The following RALGAPA1 variants were observed in gnomAD, a reference collection of about 807,000 sequenced individuals.
RALGAPA1 encodes the protein ral GTPase-activating protein subunit alpha-1.
RALGAPA1 carries 52 observed loss-of-function variants against 269.6 expected under a neutral mutation model. The ratio of observed to expected loss-of-function variants is 0.19; its 90% CI spans 0.15 to 0.24. The LOEUF (loss-of-function observed/expected upper bound fraction) is 0.24, where lower values mean the gene tolerates loss of function less well. RALGAPA1 is among the 10% of genes least tolerant of loss of function. The probability of loss-of-function intolerance (pLI) is 1.00; values close to 1 mark genes in which losing one functional copy is unlikely to be tolerated. For missense variants in RALGAPA1, 1,917 were observed against 3,013.9 expected, an observed-to-expected ratio of 0.64 and a Z score of 8.52; for synonymous variants, 817 against 1,008.3, an observed-to-expected ratio of 0.81 and a Z score of 3.60.
chr14:35,780,177 A>G (rs948237376), intron 1 of RALGAPA1, among the ~76,000 whole-genome samples: 1 of 152,240 alleles, frequency 6.6e-6, no homozygotes, highest in African/African-American at 2.4e-5. Context: ...TTAAGAAGAT[A>G]TAACAATTGT....
chr14:35,624,606 A>G (rs903186046), intron 35 of RALGAPA1, among the ~76,000 whole-genome samples: 41 of 152,210 alleles, frequency 2.7e-4, no homozygotes, highest in Admixed American at 5.2e-4. Flanking sequence ...AAAAAAAAAA[A>G]GGCTTTTCTC....
intron 41 of RALGAPA1, chr14:35,542,122 A>G (rs1490255326): frequency 6.2e-6 from 4 of 642,660 alleles, no homozygotes; most frequent in Non-Finnish European, 9.4e-6. Context: ...TGTTCACTGT[A>G]CTGTTGGCAT....
At chr14:35,560,385 A>G (rs2056095182) in intron 39 of RALGAPA1, among the ~76,000 whole-genome samples, 1 of 152,134 alleles carries the variant, frequency 6.6e-6, no homozygotes, top group South Asian at 2.1e-4. Flanking sequence ...CTCCATGTCC[A>G]CTTCTTACCC....
intron 31 of RALGAPA1, among the ~76,000 whole-genome samples, chr14:35,638,144 G>C (rs1245820345): frequency 6.6e-6 from 1 of 152,134 alleles, no homozygotes; most frequent in African/African-American, 2.4e-5. Context: ...ACTCACTGGT[G>C]ATAGTAAGTA....
At chr14:35,636,345 C>T (rs943704421) in intron 31 of RALGAPA1, among the ~76,000 whole-genome samples, 11 of 152,130 alleles carry the variant, frequency 7.2e-5, no homozygotes, top group African/African-American at 2.7e-4. Context: ...CAACAAGAGA[C>T]TTGCTAATCT....
intron 11 of RALGAPA1, among the ~76,000 whole-genome samples, chr14:35,740,700 T>C (rs1024242680): frequency 4.6e-5 from 7 of 152,068 alleles, no homozygotes; most frequent in Non-Finnish European, 1.0e-4. Flanking sequence ...CCCAGCTACT[T>C]GGGTGGCTGA....
chr14:35,551,091 C>T (rs2054958716), intron 39 of RALGAPA1, among the ~76,000 whole-genome samples: 1 of 152,138 alleles, frequency 6.6e-6, no homozygotes, highest in South Asian at 2.1e-4. Context: ...CTTTGATTCA[C>T]AGCAGTGCCC....
In RALGAPA1 at chr14:35,762,786, T is replaced by A. The variant is rs774095670; in HGVS notation, c.326-33A>T. On this transcript the variant is annotated intron_variant, in intron 4 of 41. Transcript: ENST00000680220. ...GAAAATATGATTTTAAATATTCACA[T>A]CTTATCTATTTGTAAATGTCAGAGT... is the stretch of plus-strand genomic sequence containing the variant. 4 of 1,245,902 alleles carry A rather than the reference T, an allele frequency of 3.2e-6. No homozygotes were observed. The African/African-American group carries it at 4.4e-5, about 14-fold the overall frequency. The allele number at this position is 1,245,902 out of a possible 1,614,324, so 77.2% of individuals were successfully genotyped here. A position where few individuals can be genotyped will look rare whatever the true frequency, so the allele number is the denominator to read the frequency against.
At chr14:35,702,390 A>G (rs139763613) in intron 16 of RALGAPA1, among the ~76,000 whole-genome samples, 169 of 152,350 alleles carry the variant, frequency 1.1e-3, no homozygotes, top group Non-Finnish European at 2.1e-3. Flanking sequence ...AAAATATAGA[A>G]GCATGGAATA....
At chr14:35,605,804 A>C in intron 35 of RALGAPA1, 95 bp from the exon 36 acceptor site, 2 of 1,368,818 alleles carry the variant, frequency 1.5e-6, no homozygotes, top group Non-Finnish European at 2.0e-6. Context: ...TGTAGCAATA[A>C]AAAGATGAAA....
At chr14:35,630,895 T>C (rs2061319717) in intron 33 of RALGAPA1, among the ~76,000 whole-genome samples, 1 of 151,924 alleles carries the variant, frequency 6.6e-6, no homozygotes, top group East Asian at 1.9e-4. Context: ...AGAAAATAAA[T>C]AAATAAAAGT....
chr14:35,614,189 CAG>C (rs1463525647), intron 35 of RALGAPA1, among the ~76,000 whole-genome samples: 2 of 152,124 alleles, frequency 1.3e-5, no homozygotes, highest in Admixed American at 6.5e-5. Context: ...AATGGTGAAA[CAG>C]AGAGTTATCA....
chr14:35,562,581 G>T (rs1038520459), intron 39 of RALGAPA1, among the ~76,000 whole-genome samples: 3 of 152,080 alleles, frequency 2.0e-5, no homozygotes, highest in African/African-American at 7.2e-5. Context: ...TGCTAGCCTG[G>T]CTTATTGATG....
At chr14:35,761,047 G>T in intron 5 of RALGAPA1, 41 bp from the exon 6 acceptor site, 1 of 1,427,024 alleles carries the variant, frequency 7.0e-7, no homozygotes, top group Non-Finnish European at 9.5e-7. Flanking sequence ...TATTTATAAT[G>T]GAAATATTTT....
At chr14:35,557,786 A>T (rs2139236609) in intron 39 of RALGAPA1, among the ~76,000 whole-genome samples, 1 of 152,310 alleles carries the variant, frequency 6.6e-6, no homozygotes, top group African/African-American at 2.4e-5. Flanking sequence ...CCCCAAATCT[A>T]GCAAGAGCAT....
intron 26 of RALGAPA1, among the ~76,000 whole-genome samples, chr14:35,669,200 A>T (rs1041759561): frequency 6.6e-6 from 1 of 152,236 alleles, no homozygotes; most frequent in Non-Finnish European, 1.5e-5. Flanking sequence ...CGTGTCACAT[A>T]GTGTTCCAAC....
At chr14:35,624,289 T>C (rs72642579) in intron 35 of RALGAPA1, among the ~76,000 whole-genome samples, 19,841 of 149,926 alleles carry the variant, frequency 0.13, 2,229 homozygotes, top group East Asian at 0.31. Flanking sequence ...ACCAAATAAT[T>C]ATTTTTAAGA....
intron 27 of RALGAPA1, among the ~76,000 whole-genome samples, chr14:35,663,190 C>T (rs1427743777): frequency 6.6e-6 from 1 of 151,958 alleles, no homozygotes; most frequent in East Asian, 1.9e-4. Flanking sequence ...CCATACCTGG[C>T]CTAAAAATTG....
intron 14 of RALGAPA1, 89 bp downstream of exon 14, chr14:35,724,935 A>G (rs1198467191): frequency 4.7e-6 from 5 of 1,065,856 alleles, no homozygotes; most frequent in Non-Finnish European, 6.3e-6. Context: ...TTCAGGGTTC[A>G]ATGAATTTTA....
Sources: allele counts gnomAD v4.1 joint callset (sites outside exome capture counted in the v4.1 genomes callset), GRCh38; gene constraint gnomAD v4.1.1; transcripts MANE v1.5; gene names NCBI Gene and HGNC (gene_info 2026-07-23, HGNC 2026-07-21).